Variants in LRRTM3 observed in about 807,000 individuals in gnomAD.
LRRTM3 encodes leucine rich repeat transmembrane neuronal 3, also known as leucine-rich repeat transmembrane neuronal protein 3.
In LRRTM3, 24 loss-of-function variants were observed where a neutral mutation model predicts 44.7. The observed-to-expected ratio is 0.54, with a 90% CI of 0.39 to 0.76. The LOEUF (loss-of-function observed/expected upper bound fraction) is 0.76. Ranked by LOEUF, LRRTM3 falls within the 30% of genes least tolerant of loss-of-function variation. LRRTM3 has a pLI of 0.00. For missense variants in LRRTM3, 587 were observed against 702.2 expected (o/e 0.84, Z 1.85); for synonymous variants, 277 against 278.7 (o/e 0.99, Z 0.06).
chr10:66,929,955 T>C (rs1054177664), intron 2 of LRRTM3, among the ~76,000 whole-genome samples: 2 of 152,182 alleles, frequency 1.3e-5, no homozygotes, highest in Non-Finnish European at 2.9e-5. Flanking sequence ...GCTGTTTCAT[T>C]TAATTTGGCT....
intron 2 of LRRTM3, among the ~76,000 whole-genome samples, chr10:66,929,700 T>C (rs984867126): frequency 3.9e-5 from 6 of 152,250 alleles, no homozygotes; most frequent in Non-Finnish European, 8.8e-5. Context: ...ATCTGTATTG[T>C]GAACTCATCC....
chr10:66,928,496 T>G (rs1847200270), intron 2 of LRRTM3, 44 bp downstream of exon 2: 3 of 1,523,600 alleles, frequency 2.0e-6, no homozygotes, highest in Non-Finnish European at 2.6e-6. Flanking sequence ...AGCTGGGAAA[T>G]AAGTGGTGCT....
rs544751153 is a variant in LRRTM3 at position 67,063,389 on chromosome 10, T to C, written c.1537-34198T>C. Among the ~76,000 whole-genome samples, 4 of 152,298 alleles carry C rather than the reference T, an allele frequency of 2.6e-5. No homozygotes were observed. In the East Asian group the frequency reaches 7.7e-4, roughly 29 times the overall value. ...GCTGAATGTGATAAAAATATATGCC[T>C]TTAAAAAGTTAGGGGTCTCAATCAG... On this transcript the variant is annotated intron_variant, in intron 2 of 2. Coordinates refer to ENST00000361320, the MANE Select transcript of LRRTM3 (RefSeq NM_178011.5).
At chr10:67,049,030 GTTT>G (rs3998950) in intron 2 of LRRTM3, among the ~76,000 whole-genome samples, 64,485 of 145,044 alleles carry the variant, frequency 0.44, 15,442 homozygotes, top group East Asian at 0.65. Flanking sequence ...ATGATAACTG[GTTT>G]TTTTTTTTTT....
At chr10:67,038,210 G>T (rs909325276) in intron 2 of LRRTM3, among the ~76,000 whole-genome samples, 5 of 152,002 alleles carry the variant, frequency 3.3e-5, no homozygotes, top group African/African-American at 7.2e-5. Context: ...AAAATATATT[G>T]TATTATTTTA....
At position 66,926,524 on chromosome 10, in the gene LRRTM3, T is replaced by G. The variant is rs2132619885; in HGVS notation, c.-60T>G. On this transcript the variant is annotated 5_prime_UTR_variant, in exon 1 of 3. The change abolishes an upstream ATG in the 5' untranslated region. Transcript: ENST00000361320. ...ACAGTGCAGCTGACAGGGGCTGTCATGCAACTGGCCCCTAAGCCAAAGCAA... is the reference window on the plus strand; with the variant it reads ...ACAGTGCAGCTGACAGGGGCTGTCAGGCAACTGGCCCCTAAGCCAAAGCAA... The G allele has an allele frequency of 6.3e-7, 1 of 1,598,318 alleles. No homozygotes were observed. The highest frequency in any genetic ancestry group is 2.2e-5 in the East Asian group (1 of 44,784).
At chr10:67,076,408 T>C (rs1404807232) in intron 2 of LRRTM3, among the ~76,000 whole-genome samples, 1 of 152,188 alleles carries the variant, frequency 6.6e-6, no homozygotes, top group Non-Finnish European at 1.5e-5. Context: ...AGGAGCAAAG[T>C]CCACCTGCAT....
chr10:66,955,904 C>T (rs996247843), intron 2 of LRRTM3, among the ~76,000 whole-genome samples: 6 of 152,084 alleles, frequency 3.9e-5, no homozygotes, highest in South Asian at 2.1e-4. Context: ...TCTCTAGTGA[C>T]GCTACAACAT....
At chr10:66,986,741 AC>A (rs1246666946) in intron 2 of LRRTM3, among the ~76,000 whole-genome samples, 2 of 152,130 alleles carry the variant, frequency 1.3e-5, no homozygotes, top group Non-Finnish European at 2.9e-5. Flanking sequence ...ATCTAGCAAA[AC>A]AGAGATCATA....
chr10:67,008,525 T>C (rs1852138593), intron 2 of LRRTM3, among the ~76,000 whole-genome samples: 2 of 152,146 alleles, frequency 1.3e-5, no homozygotes, highest in Admixed American at 1.3e-4. Context: ...AGAACAATAA[T>C]GTATTTGTTC....
intron 2 of LRRTM3, among the ~76,000 whole-genome samples, chr10:67,094,981 T>C (rs906295438): frequency 6.6e-6 from 1 of 151,614 alleles, no homozygotes; most frequent in Non-Finnish European, 1.5e-5. Context: ...TTAAATGATT[T>C]TGAAACTATA....
chr10:67,024,100 G>A (rs1345260309), intron 2 of LRRTM3, among the ~76,000 whole-genome samples: 1 of 152,188 alleles, frequency 6.6e-6, no homozygotes, highest in Non-Finnish European at 1.5e-5. Flanking sequence ...CTAAAGTCAA[G>A]TCAGCAGGAC....
At chr10:66,988,316 T>C (rs1441958479) in intron 2 of LRRTM3, among the ~76,000 whole-genome samples, 1 of 152,200 alleles carries the variant, frequency 6.6e-6, no homozygotes, top group Admixed American at 6.5e-5. Context: ...ATTTAGCTCA[T>C]TTGGAATTTA....
At chr10:67,093,897 A>G (rs900051755) in intron 2 of LRRTM3, among the ~76,000 whole-genome samples, 5 of 152,036 alleles carry the variant, frequency 3.3e-5, no homozygotes, top group African/African-American at 1.2e-4. Context: ...TATAATTTGA[A>G]AGGGACGGAT....
intron 2 of LRRTM3, among the ~76,000 whole-genome samples, chr10:67,005,680 A>ATTTTTTTTTTTTTTT (rs1564825972): frequency 6.5e-4 from 17 of 26,348 alleles, no homozygotes; most frequent in South Asian, 4.3e-3. Flanking sequence ...ATTTTACTCC[A>ATTTTTTTTTTTTTTT]TCTTTTTTTT....
In LRRTM3 at chr10:66,927,821, T is replaced by C; in HGVS notation, c.905T>C (p.Ile302Thr). ...GGTCAAGAGATTTTGGATTCTTGGA[T>C]ATCCCTCAATGACATCAGTCTTGCT... ...FIGQEILDSW[I>T]SLNDISLAGN... is the part of the protein sequence containing the mutation. The change falls in exon 2 of 3, where the codon ATA becomes ACA. Residue 302 changes from isoleucine (I) to threonine (T), a missense_variant. Physicochemically the swap from Ile to Thr is moderately conservative, Grantham distance 89. This residue lies in a region of LRRTM3 where 222 missense variants were observed against 323.3 expected (regional missense o/e 0.69). Coordinates refer to ENST00000361320, the MANE Select transcript of LRRTM3 (RefSeq NM_178011.5). The surrounding 1 kb of genome is among the most constrained non-coding windows in gnomAD (Gnocchi z 4.7). The C allele has an allele frequency of 6.2e-7, 1 of 1,614,252 alleles. No homozygotes were observed.
At chr10:67,067,511 G>T (rs1856166929) in intron 2 of LRRTM3, among the ~76,000 whole-genome samples, 1 of 152,166 alleles carries the variant, frequency 6.6e-6, no homozygotes, top group Non-Finnish European at 1.5e-5. Flanking sequence ...TTTCAGATCA[G>T]AAATATGTGC....
At chr10:66,938,193 C>T (rs1316893119) in intron 2 of LRRTM3, among the ~76,000 whole-genome samples, 1 of 152,036 alleles carries the variant, frequency 6.6e-6, no homozygotes, top group Non-Finnish European at 1.5e-5. Flanking sequence ...TTAATATACA[C>T]TTTTTCACTA....
At chr10:67,027,302 T>C (rs1284640088) in intron 2 of LRRTM3, among the ~76,000 whole-genome samples, 2 of 152,216 alleles carry the variant, frequency 1.3e-5, no homozygotes, top group Admixed American at 1.3e-4. Context: ...TGGAACTCAC[T>C]GAAAGTTTTA....
Sources: gnomAD v4.1 joint callset for allele counts (sites outside exome capture counted in the v4.1 genomes callset) on GRCh38, gnomAD v4.1.1 for gene constraint, gnomAD v4.1.1 regional missense constraint, Gnocchi (gnomAD v3.1) non-coding constraint, MANE v1.5 for transcripts, NCBI Gene and HGNC (gene_info 2026-07-23, HGNC 2026-07-21) for gene names.